Variants in OCA2 observed in about 807,000 individuals in gnomAD.
The protein encoded by OCA2 is P protein.
OCA2 carries 77 observed loss-of-function variants against 100.2 expected under a neutral mutation model. That is an observed-to-expected ratio of 0.77 (90% CI 0.64 to 0.93). The LOEUF (loss-of-function observed/expected upper bound fraction) is 0.93, where lower values mean the gene tolerates loss of function less well. OCA2 is among the 40% of genes least tolerant of loss of function. The pLI, the probability that OCA2 is intolerant of heterozygous loss-of-function variation, is 0.00. For synonymous variants in OCA2, 432 were observed against 439.2 expected, an observed-to-expected ratio of 0.98 and a Z score of 0.21; for missense variants, 1,062 against 1,089.1, an observed-to-expected ratio of 0.98 and a Z score of 0.35.
intron 9 of OCA2, among the ~76,000 whole-genome samples, chr15:28,003,924 G>A (rs536307457): frequency 6.6e-6 from 1 of 152,222 alleles, no homozygotes; most frequent in Non-Finnish European, 1.5e-5. Flanking sequence ...GGTGACCTGA[G>A]AGTGATGCGA....
chr15:28,088,368 G>A (rs896170706), intron 1 of OCA2, among the ~76,000 whole-genome samples: 3 of 152,094 alleles, frequency 2.0e-5, no homozygotes, highest in Admixed American at 1.3e-4. Context: ...AAGGAGGTAC[G>A]TTTTCTTGAT....
At chr15:28,039,014 A>T (rs933247550) in intron 2 of OCA2, among the ~76,000 whole-genome samples, 1 of 152,268 alleles carries the variant, frequency 6.6e-6, no homozygotes, top group African/African-American at 2.4e-5. Flanking sequence ...TAACCAAAAG[A>T]GAGTTAAGAC....
chr15:27,822,307 T>C (rs997058428), intron 23 of OCA2, among the ~76,000 whole-genome samples: 2 of 152,236 alleles, frequency 1.3e-5, no homozygotes, highest in South Asian at 2.1e-4. Flanking sequence ...TTTTTGTGTC[T>C]GGCTTCTTTC....
chr15:27,947,600 G>A (rs971896763), intron 18 of OCA2, among the ~76,000 whole-genome samples: 11 of 152,210 alleles, frequency 7.2e-5, no homozygotes, highest in South Asian at 2.1e-4. Flanking sequence ...GCCGCCCTGC[G>A]GGTGCGGTCG....
At chr15:27,974,941 G>C (rs1016953948) in intron 14 of OCA2, among the ~76,000 whole-genome samples, 1 of 152,128 alleles carries the variant, frequency 6.6e-6, no homozygotes, top group African/African-American at 2.4e-5. Context: ...TCACCTCCAG[G>C]GTCCTCACCT....
At chr15:27,982,113 G>A (rs1480417364) in intron 14 of OCA2, among the ~76,000 whole-genome samples, 1 of 152,158 alleles carries the variant, frequency 6.6e-6, no homozygotes, top group Non-Finnish European at 1.5e-5. Flanking sequence ...TCCAGGCCCT[G>A]TTATTCCATG....
At chr15:27,738,929 T>G in the OCA2 span, among the ~76,000 whole-genome samples, 2 of 152,174 alleles carry the variant, frequency 1.3e-5, no homozygotes, top group African/African-American at 4.8e-5. Context: ...AGCATCTAAC[T>G]TAATATCGAC....
At chr15:27,947,180 C>T (rs1429944418) in intron 18 of OCA2, among the ~76,000 whole-genome samples, 1 of 152,226 alleles carries the variant, frequency 6.6e-6, no homozygotes, top group African/African-American at 2.4e-5. Flanking sequence ...ATGTGTTTGC[C>T]TTTTCTCCTA....
chr15:28,071,272 C>T (rs976975582), intron 2 of OCA2, among the ~76,000 whole-genome samples: 14 of 151,652 alleles, frequency 9.2e-5, no homozygotes, highest in African/African-American at 2.7e-4. Flanking sequence ...TCAGAGGTGA[C>T]GCAAATAAAT....
chr15:27,868,479 C>T (rs1312116973), intron 21 of OCA2, among the ~76,000 whole-genome samples: 1 of 152,134 alleles, frequency 6.6e-6, no homozygotes, highest in Non-Finnish European at 1.5e-5. Context: ...GAAGGAGCAA[C>T]ACCGCCTGAT....
intron 23 of OCA2, among the ~76,000 whole-genome samples, chr15:27,758,643 A>G (rs1603784): frequency 0.75 from 114,617 of 152,162 alleles, 43,239 homozygotes; most frequent in East Asian, 0.78. Context: ...ACAAGAAATT[A>G]AAACTATAAA....
intron 18 of OCA2, among the ~76,000 whole-genome samples, chr15:27,943,711 A>G (rs886815882): frequency 2.7e-5 from 4 of 150,280 alleles, no homozygotes; most frequent in Admixed American, 1.3e-4. Context: ...CTGCAACCCC[A>G]TATCTTAACC....
At chr15:27,943,804 C>G (rs1260929251) in intron 18 of OCA2, among the ~76,000 whole-genome samples, 1 of 152,118 alleles carries the variant, frequency 6.6e-6, no homozygotes, top group Non-Finnish European at 1.5e-5. Flanking sequence ...TTGAATCCAC[C>G]TATGACCTGG....
chr15:27,788,442 A>G (rs1363338077), intron 23 of OCA2, among the ~76,000 whole-genome samples: 1 of 152,090 alleles, frequency 6.6e-6, no homozygotes, highest in Non-Finnish European at 1.5e-5. Context: ...ATGTGCTAGG[A>G]GGACATTTGT....
intron 18 of OCA2, among the ~76,000 whole-genome samples, chr15:27,948,887 A>G (rs2039935696): frequency 6.6e-6 from 1 of 152,162 alleles, no homozygotes; most frequent in African/African-American, 2.4e-5. Context: ...CAGCCCCAAA[A>G]ACACAAAACC....
intron 2 of OCA2, among the ~76,000 whole-genome samples, chr15:28,068,728 G>A (rs148839780): frequency 1.3e-3 from 197 of 152,264 alleles, no homozygotes; most frequent in African/African-American, 3.5e-3. Context: ...GTAGCACATC[G>A]GAAAGTTAAT....
intron 19 of OCA2, among the ~76,000 whole-genome samples, chr15:27,917,665 G>A (rs2594940): frequency 2.0e-5 from 3 of 152,062 alleles, no homozygotes; most frequent in Admixed American, 2.0e-4. Flanking sequence ...TGCTCATAGA[G>A]GGGGGAAGCA....
chr15:28,047,845 G>T (rs2043391152), intron 2 of OCA2, among the ~76,000 whole-genome samples: 1 of 152,156 alleles, frequency 6.6e-6, no homozygotes, highest in African/African-American at 2.4e-5. Context: ...TTGCAGACAT[G>T]ATCCCATGAA....
intron 19 of OCA2, among the ~76,000 whole-genome samples, chr15:27,891,624 G>A (rs2037466126): frequency 6.6e-6 from 1 of 152,158 alleles, no homozygotes; most frequent in Admixed American, 6.5e-5. Context: ...CACTTGCATG[G>A]ATTCAACATA....
Sources: gnomAD v4.1 joint callset for allele counts (sites outside exome capture counted in the v4.1 genomes callset) on GRCh38, gnomAD v4.1.1 for gene constraint, MANE v1.5 for transcripts, NCBI Gene and HGNC (gene_info 2026-07-23, HGNC 2026-07-21) for gene names.